Variants in ZSCAN9 observed in about 807,000 individuals in gnomAD.
ZSCAN9 encodes zinc finger and SCAN domain containing 9.
ZSCAN9 carries 19 observed loss-of-function variants against 23.0 expected under a neutral mutation model. The observed-to-expected ratio is 0.83, with a 90% CI of 0.58 to 1.21. ZSCAN9 has a LOEUF of 1.21. ZSCAN9 is among the 50% of genes most tolerant of loss of function. The pLI is 0.00. For missense variants in ZSCAN9, 467 were observed against 471.5 expected (o/e 0.99, Z 0.09); for synonymous variants, 155 against 164.8 (o/e 0.94, Z 0.46).
At chr6:28,230,315 C>T in intron 3 of ZSCAN9, 1 of 1,508,394 alleles carries the variant, frequency 6.6e-7, no homozygotes, top group Non-Finnish European at 8.8e-7. Flanking sequence ...ATATTCTACC[C>T]AGCTCCCTTA....
intron 3 of ZSCAN9, among the ~76,000 whole-genome samples, chr6:28,231,816 T>C (rs1454197250): frequency 1.3e-5 from 2 of 152,188 alleles, no homozygotes; most frequent in African/African-American, 4.8e-5. Flanking sequence ...GCTGAAACTT[T>C]GTAAAGGCAA....
At position 28,233,098 on chromosome 6, in the gene ZSCAN9, A is replaced by G. The variant is rs1760372063; in HGVS notation, c.1105A>G (p.Ile369Val). 1 of 1,613,964 alleles carries G rather than the reference A, an allele frequency of 6.2e-7. No individual in the cohort carries two copies. The highest frequency in any genetic ancestry group is 1.7e-5 in the Admixed American group (1 of 60,010). ...SHTGERPHQCIECGKSFNRHC... is the reference protein window; with the variant it reads ...SHTGERPHQCVECGKSFNRHC... ...CACAGGGGAGCGACCTCACCAGTGC[A>G]TTGAATGTGGGAAAAGCTTTAATCG... The change falls in exon 4 of 4, where the codon ATT becomes GTT. Residue 369 changes from isoleucine to valine, a missense_variant. By Grantham distance (29) the Ile-to-Val change is conservative (BLOSUM62 3). Transcript: ENST00000252207.
rs369779739 is a variant in ZSCAN9 at position 28,227,250 on chromosome 6, C to A, written c.166C>A (p.Arg56=). 1 of 1,614,208 alleles carries A rather than the reference C, an allele frequency of 6.2e-7. No homozygotes were observed. The highest frequency in any genetic ancestry group is 1.7e-5 in the Admixed American group (1 of 60,022). ...AAGGGAAATCTTCCGAAGGCACTTT[C>A]GACAGCTGTGCTACCAAGAGACCCC... ...LAREIFRRHF[R]QLCYQETPGP... The change falls in exon 2 of 4, where the codon CGA becomes AGA. Residue 56 remains arginine, a synonymous_variant. Transcript: ENST00000252207.
chr6:28,228,416 C>G (rs1351688217), intron 3 of ZSCAN9: 2 of 262,718 alleles, frequency 7.6e-6, no homozygotes, highest in Non-Finnish European at 1.4e-5. Flanking sequence ...TGTATCCTCA[C>G]ATGGCCTTTC....
chr6:28,232,416 C>T, intron 3 of ZSCAN9, 146 bp from the exon 4 acceptor site: 1 of 1,378,918 alleles, frequency 7.3e-7, no homozygotes, highest in South Asian at 1.5e-5. Flanking sequence ...GCAAACGTTC[C>T]TCCCTACGTA....
At chr6:28,230,648 C>T (rs757548061) in intron 3 of ZSCAN9, among the ~76,000 whole-genome samples, 16 of 152,066 alleles carry the variant, frequency 1.1e-4, no homozygotes, top group African/African-American at 2.2e-4. Flanking sequence ...AGGAATAAAA[C>T]AGAAGGTTCC....
intron 3 of ZSCAN9, among the ~76,000 whole-genome samples, chr6:28,231,498 G>A (rs993891059): frequency 3.3e-5 from 5 of 152,212 alleles, no homozygotes; most frequent in African/African-American, 1.2e-4. Context: ...TGTAATCCCA[G>A]CACTTTGGGA....
chr6:28,227,151 CT>C lies in ZSCAN9; in HGVS notation c.68del (p.Leu23ArgfsTer3). 1 of 1,614,226 alleles carries C rather than the reference CT, an allele frequency of 6.2e-7. No individual in the cohort carries two copies. On this transcript the variant is annotated frameshift_variant, in exon 2 of 4. Coordinates refer to ENST00000252207, the MANE Select transcript of ZSCAN9 (RefSeq NM_006299.5). LOFTEE classifies it high-confidence loss of function. ...VQVPEAWEEL[L>X]TMKVEAKSHL... ...AGTTCCCGAGGCATGGGAAGAACTT[CT>C]GACAATGAAAGTGGAAGCAAAAAGT...
Position 28,227,704 on chromosome 6 carries a change from A to G in ZSCAN9, c.435A>G (p.Arg145=). 1 of 1,598,252 alleles carries G rather than the reference A, an allele frequency of 6.3e-7. No individual in the cohort carries two copies. Among genetic ancestry groups the G allele is most frequent in the Non-Finnish European group, 8.5e-7 (1 of 1,176,302 alleles). The stretch of plus-strand genomic sequence containing the variant: ...TTTGTCCCCAGATGGTGGCCCACAG[A>G]CACAGACAAGAAGTCCTCTGTAAAG... ...DEPQHEMVAH[R]HRQEVLCKEM... The change falls in exon 3 of 4, where the codon AGA becomes AGG. Residue 145 remains arginine (R), a synonymous_variant. Transcript: ENST00000252207.
At position 28,232,579 on chromosome 6, in the gene ZSCAN9, G is replaced by T. The variant is rs148418517; in HGVS notation, c.586G>T (p.Glu196Ter). Reference sequence around the variant, plus strand: ...TGTTTCAGATGAAGTAACCAAGACTGAGGACAGAGAGTTGGTGCTAAGGAA... The same window carrying T: ...TGTTTCAGATGAAGTAACCAAGACTTAGGACAGAGAGTTGGTGCTAAGGAA... Reference protein sequence around the residue: ...IGETDEVTKTEDRELVLRKDC... With the variant: ...IGETDEVTKT Residue 196 changes from glutamate to a stop codon, truncating the protein, a stop_gained, in exon 4 of 4, where the codon GAG (glutamate) becomes TAG (stop). Transcript: ENST00000252207. LOFTEE classifies it low-confidence loss of function (END_TRUNC). 4 of 1,613,248 alleles carry T rather than the reference G, an allele frequency of 2.5e-6. No individual in the cohort carries two copies. The highest frequency in any genetic ancestry group is 2.5e-6 in the Non-Finnish European group (3 of 1,179,522).
Position 28,232,676 on chromosome 6 carries a change from A to C in ZSCAN9, c.683A>C (p.Asp228Ala), listed in dbSNP as rs768494661. 6.2e-7 allele frequency: 1 copy of C among 1,614,190 alleles called. No individual in the cohort carries two copies. Among genetic ancestry groups the C allele is most frequent in the South Asian group, 1.1e-5 (1 of 91,086 alleles). ...NEQTWEVSQQ[D>A]PSHGEVGEHK... is the part of the protein sequence containing the mutation. ...CAGACCTGGGAGGTATCACAGCAGG[A>C]TCCCTCACATGGAGAAGTTGGTGAA... is the stretch of plus-strand genomic sequence containing the variant. The change falls in exon 4 of 4, where the codon GAT becomes GCT. Residue 228 changes from aspartate (D) to alanine (A), a missense_variant. Transcript: ENST00000252207.
In ZSCAN9 at chr6:28,227,820, A is replaced by G. The variant is rs746350745; in HGVS notation, c.551A>G (p.His184Arg). Reference sequence around the variant, plus strand: ...ACATGTGACTCTGCTCAGAAGTGCCATTCTATTGGAGAGACAGGTGAGGGA... The same window carrying G: ...ACATGTGACTCTGCTCAGAAGTGCCGTTCTATTGGAGAGACAGGTGAGGGA... ...QLTCDSAQKC[H>R]SIGETDEVTK... Residue 184 changes from histidine to arginine, a missense_variant, in exon 3 of 4, where the codon CAT becomes CGT. By Grantham distance (29) the His-to-Arg change is conservative (BLOSUM62 0). Coordinates refer to ENST00000252207, the MANE Select transcript of ZSCAN9 (RefSeq NM_006299.5). 4 of 1,613,398 alleles carry G rather than the reference A, an allele frequency of 2.5e-6. No homozygotes were observed. Among genetic ancestry groups the G allele is most frequent in the African/African-American group, 1.3e-5 (1 of 74,848 alleles).
rs1760150199 is a variant in ZSCAN9, at chr6:28,227,433, C to T, written c.349C>T (p.Pro117Ser). ...ELQGWVREHCPESGEEAVILL... is the reference protein window; with the variant it reads ...ELQGWVREHCSESGEEAVILL... ...CCAGGGCTGGGTGAGGGAACACTGT[C>T]CAGAGAGTGGAGAAGAGGCTGTGAT... is the stretch of plus-strand genomic sequence containing the variant. The change falls in exon 2 of 4, where the codon CCA becomes TCA. Residue 117 changes from proline (P) to serine (S), a missense_variant. Coordinates refer to ENST00000252207, the MANE Select transcript of ZSCAN9 (RefSeq NM_006299.5). 1.2e-6 allele frequency: 2 copies of T among 1,613,966 alleles called. No homozygotes were observed. The highest frequency in any genetic ancestry group is 1.7e-6 in the Non-Finnish European group (2 of 1,179,948).
At chr6:28,228,197 G>A (rs1038607703) in intron 3 of ZSCAN9, 1 of 605,556 alleles carries the variant, frequency 1.7e-6, no homozygotes, top group Non-Finnish European at 2.9e-6. Flanking sequence ...TTAACCACTT[G>A]ACCTCAGATC....
chr6:28,230,984 T>C (rs906644226), intron 3 of ZSCAN9, among the ~76,000 whole-genome samples: 1 of 152,104 alleles, frequency 6.6e-6, no homozygotes, highest in African/African-American at 2.4e-5. Flanking sequence ...CCTTGGATAA[T>C]TGTGGATTTG....
intron 1 of ZSCAN9, among the ~76,000 whole-genome samples, chr6:28,226,750 G>A (rs1168520824): frequency 6.6e-6 from 1 of 151,902 alleles, no homozygotes; most frequent in African/African-American, 2.4e-5. Flanking sequence ...CTGTGATTAT[G>A]CCACTGCACT....
intron 3 of ZSCAN9, among the ~76,000 whole-genome samples, chr6:28,230,005 C>T (rs779568664): frequency 1.8e-4 from 27 of 152,066 alleles, no homozygotes; most frequent in Non-Finnish European, 3.5e-4. Context: ...CTACAGGCAC[C>T]CGCCACCATG....
In ZSCAN9 at chr6:28,233,259, C is replaced by G. The variant is rs1760377914; in HGVS notation, c.*81C>G. On this transcript the variant is annotated 3_prime_UTR_variant, in exon 4 of 4. Transcript: ENST00000252207. Reference sequence around the variant, plus strand: ...GAGACTAGAAAATGCCTCTTTCTTCCTTTCTCCATGAAATGTGTTTGAAAC... The same window carrying G: ...GAGACTAGAAAATGCCTCTTTCTTCGTTTCTCCATGAAATGTGTTTGAAAC... 1.3e-6 allele frequency: 2 copies of G among 1,526,738 alleles called. No individual in the cohort carries two copies. The highest frequency in any genetic ancestry group is 1.8e-6 in the Non-Finnish European group (2 of 1,141,394). The allele number at this position is 1,526,738 out of a possible 1,614,324, so 94.6% of individuals were successfully genotyped here.
At chr6:28,228,518 T>C (rs1484029305) in intron 3 of ZSCAN9, 1 of 156,388 alleles carries the variant, frequency 6.4e-6, no homozygotes, top group Non-Finnish European at 1.4e-5. Context: ...ATAACCTCAT[T>C]TAACTTTTAA....
Sources: allele counts gnomAD v4.1 joint callset (sites outside exome capture counted in the v4.1 genomes callset), GRCh38; gene constraint gnomAD v4.1.1; transcripts MANE v1.5; gene names NCBI Gene and HGNC (gene_info 2026-07-23, HGNC 2026-07-21).